The following STPG4 variants were observed in gnomAD, a reference collection of about 807,000 sequenced individuals.
STPG4 encodes the protein sperm-tail PG-rich repeat containing 4.
Under a neutral mutation model 31.5 loss-of-function variants are expected in STPG4, and 41 were observed. The ratio of observed to expected loss-of-function variants is 1.30; its 90% confidence interval spans 1.01 to 1.69. The LOEUF is 1.69. Ranked by LOEUF, STPG4 falls within the 40% of genes most tolerant of loss-of-function variation. The pLI is 0.00. For synonymous variants in STPG4, 141 were observed against 103.0 expected (o/e 1.37, Z -2.24); for missense variants, 375 against 293.4 (o/e 1.28, Z -2.03).
At chr2:47,112,910 T>A (rs1157307209) in intron 5 of STPG4, among the ~76,000 whole-genome samples, 1 of 150,952 alleles carries the variant, frequency 6.6e-6, no homozygotes, top group Non-Finnish European at 1.5e-5. Context: ...GAGGATTGCT[T>A]GAGCCCGGGA....
At chr2:47,140,016 C>T (rs1018756252) in intron 3 of STPG4, among the ~76,000 whole-genome samples, 2 of 151,972 alleles carry the variant, frequency 1.3e-5, no homozygotes, top group Admixed American at 6.6e-5. Context: ...CCCTGTGATC[C>T]GCCCGCCTCA....
intron 5 of STPG4, among the ~76,000 whole-genome samples, chr2:47,110,133 A>G (rs1365847042): frequency 6.6e-6 from 1 of 152,228 alleles, no homozygotes; most frequent in East Asian, 1.9e-4. Context: ...CAATAACTGC[A>G]AAGAATCTGC....
intron 5 of STPG4, among the ~76,000 whole-genome samples, chr2:47,095,084 A>G (rs4952869): frequency 0.85 from 129,426 of 152,164 alleles, 55,119 homozygotes; most frequent in Admixed American, 0.89. Context: ...GTTAGGCATC[A>G]AATTCTATAC....
Position 47,130,258 on chromosome 2 carries a change from T to A in STPG4, c.402A>T (p.Ser134=), listed in dbSNP as rs1449254070. ...TGTATTGCCCCGGAGAAAGCTGAAG[T>A]GACTGCACAGAATGGACAAGGACAC... The part of the protein sequence containing the change: ...SPSTLVDKDQ[S]LQLSPGQYNV... The change falls in exon 4 of 7, where the codon TCA becomes TCT. Residue 134 remains serine, a splice_region_variant and synonymous_variant. Coordinates refer to ENST00000445927, the MANE Select transcript of STPG4 (RefSeq NM_001163561.2). 6.2e-7 allele frequency: 1 copy of A among 1,613,878 alleles called. No individual in the cohort carries two copies. The highest frequency in any genetic ancestry group is 1.7e-5 in the Admixed American group (1 of 60,016).
chr2:47,106,337 T>G (rs1468087157), intron 5 of STPG4, among the ~76,000 whole-genome samples: 1 of 151,794 alleles, frequency 6.6e-6, no homozygotes, highest in Non-Finnish European at 1.5e-5. Flanking sequence ...AATCAGACCT[T>G]ATCAGTACCC....
At chr2:47,148,290 G>C (rs1416785592) in intron 3 of STPG4, among the ~76,000 whole-genome samples, 3 of 151,944 alleles carry the variant, frequency 2.0e-5, no homozygotes, top group Non-Finnish European at 4.4e-5. Context: ...ACGGGTGAAA[G>C]GGTTGAAAAA....
chr2:47,139,298 C>A (rs932700955), intron 3 of STPG4, among the ~76,000 whole-genome samples: 2 of 152,166 alleles, frequency 1.3e-5, no homozygotes, highest in Non-Finnish European at 2.9e-5. Context: ...ATAATTATAT[C>A]TTCTTGTAGA....
intron 5 of STPG4, among the ~76,000 whole-genome samples, chr2:47,110,429 A>T (rs771309606): frequency 1.3e-5 from 2 of 152,182 alleles, no homozygotes; most frequent in African/African-American, 4.8e-5. Flanking sequence ...CCCCATCTCC[A>T]CTAAACATGC....
At chr2:47,145,636 C>G (rs1686806577) in intron 3 of STPG4, among the ~76,000 whole-genome samples, 1 of 152,106 alleles carries the variant, frequency 6.6e-6, no homozygotes, top group Admixed American at 6.6e-5. Context: ...CATAAGAAAA[C>G]AAAATGAGTA....
chr2:47,109,176 A>C (rs1018144734), intron 5 of STPG4, among the ~76,000 whole-genome samples: 11 of 152,264 alleles, frequency 7.2e-5, no homozygotes, highest in African/African-American at 2.7e-4. Flanking sequence ...ATGGCAATAC[A>C]TGACTCGGCT....
At chr2:47,155,142 C>T (rs763366048) in intron 1 of STPG4, 29 bp downstream of exon 1, 1 of 1,608,438 alleles carries the variant, frequency 6.2e-7, no homozygotes, top group Non-Finnish European at 8.5e-7. Flanking sequence ...GGAGCAGGAG[C>T]CAGGCCGGCA....
intron 4 of STPG4, 53 bp downstream of exon 4, chr2:47,130,143 G>A (rs1419218431): frequency 5.2e-6 from 8 of 1,529,138 alleles, no homozygotes; most frequent in Admixed American, 1.7e-5. Flanking sequence ...CAGGAGTATT[G>A]GCGTGTAGGT....
chr2:47,117,915 C>CAT (rs10563568), intron 5 of STPG4, among the ~76,000 whole-genome samples: 49 of 94,886 alleles, frequency 5.2e-4, no homozygotes, highest in South Asian at 2.0e-3. Flanking sequence ...GATAGTACAA[C>CAT]ATATATATAT....
chr2:47,089,058 A>G (rs13006872), intron 6 of STPG4, among the ~76,000 whole-genome samples: 25,067 of 151,868 alleles, frequency 0.17, 2,161 homozygotes, highest in Middle Eastern at 0.22. Context: ...TTCCATGAAA[A>G]TTTTCTATAA....
intron 5 of STPG4, among the ~76,000 whole-genome samples, chr2:47,095,981 T>C (rs372773988): frequency 3.9e-5 from 6 of 152,266 alleles, no homozygotes; most frequent in Admixed American, 1.3e-4. Context: ...GAACAGCCCA[T>C]AGGAGGAGTC....
At chr2:47,131,051 C>G (rs1238994465) in intron 3 of STPG4, among the ~76,000 whole-genome samples, 1 of 151,044 alleles carries the variant, frequency 6.6e-6, no homozygotes, top group Non-Finnish European at 1.5e-5. Flanking sequence ...TGGGCTCAAG[C>G]AATCCTCCTG....
intron 5 of STPG4, among the ~76,000 whole-genome samples, chr2:47,100,655 C>T (rs1178685377): frequency 6.6e-5 from 10 of 151,638 alleles, no homozygotes; most frequent in African/African-American, 1.7e-4. Context: ...TTTGGGTCCA[C>T]ACTGCTTTTA....
chr2:47,100,555 G>A (rs940981584), intron 5 of STPG4, among the ~76,000 whole-genome samples: 3 of 150,428 alleles, frequency 2.0e-5, no homozygotes, highest in African/African-American at 7.4e-5. Flanking sequence ...GGCTCCCCGA[G>A]CCAGCAGTGG....
At chr2:47,109,311 C>T (rs1685989559) in intron 5 of STPG4, among the ~76,000 whole-genome samples, 1 of 152,198 alleles carries the variant, frequency 6.6e-6, no homozygotes. Flanking sequence ...AATCCCCACA[C>T]TTTGGGAGGC....
Sources: gnomAD v4.1 joint callset for allele counts (sites outside exome capture counted in the v4.1 genomes callset) on GRCh38, gnomAD v4.1.1 for gene constraint, MANE v1.5 for transcripts, NCBI Gene and HGNC (gene_info 2026-07-23, HGNC 2026-07-21) for gene names.